Variants in SLC16A7 observed in about 807,000 individuals in gnomAD.
The protein encoded by SLC16A7 is solute carrier family 16 member 7.
A neutral mutation model predicts 34.9 loss-of-function variants in SLC16A7; 33 were observed. That is an observed-to-expected ratio of 0.94 (90% CI 0.72 to 1.26). The LOEUF (loss-of-function observed/expected upper bound fraction) is 1.26, where lower values mean the gene tolerates loss of function less well. Ranked by LOEUF, SLC16A7 falls within the 50% of genes most tolerant of loss-of-function variation. SLC16A7 has a pLI of 0.00. For missense variants in SLC16A7, 573 were observed against 578.1 expected, an observed-to-expected ratio of 0.99 and a Z score of 0.09; for synonymous variants, 201 against 206.6, an observed-to-expected ratio of 0.97 and a Z score of 0.23.
Position 59,703,435 on chromosome 12 carries a change from A to G in SLC16A7, c.-30-1337A>G, listed in dbSNP as rs868088471. ...TTTTAAAAAATAAACATAAAACATC[A>G]CATTGTACCCCATAAATATATAATA... On this transcript the variant is annotated intron_variant, in intron 2 of 5. Coordinates refer to ENST00000547379, the MANE Select transcript of SLC16A7 (RefSeq NM_001270623.2). 3.9e-5 allele frequency among the ~76,000 whole-genome samples: 6 copies of G among 152,204 alleles called. No individual in the cohort carries two copies. In the South Asian group the frequency reaches 8.3e-4, roughly 21 times the overall value.
intron 2 of SLC16A7, among the ~76,000 whole-genome samples, chr12:59,659,612 C>A (rs1312180604): frequency 1.3e-5 from 2 of 152,024 alleles, no homozygotes; most frequent in Non-Finnish European, 2.9e-5. Flanking sequence ...CCCTTTGATT[C>A]ATCTATTTAA....
chr12:59,765,064 G>T (rs1881446310), intron 3 of SLC16A7, among the ~76,000 whole-genome samples: 1 of 152,122 alleles, frequency 6.6e-6, no homozygotes, highest in East Asian at 1.9e-4. Flanking sequence ...GTTTTGATTT[G>T]CATTTCTCTG....
rs114669837 is a variant in SLC16A7, at chr12:59,633,907, C to T, written c.-129-21245C>T. ...GCTCCCTCCTTCAACACAAGGATTA[C>T]AACTGGAGATGAGATTTGGGTGGGG... On this transcript the variant is annotated intron_variant, in intron 1 of 5. Transcript: ENST00000547379. Among the ~76,000 whole-genome samples the T allele has an allele frequency of 3.8e-3, 582 of 152,184 alleles. 4 individuals are homozygous for T. Among genetic ancestry groups the T allele is most frequent in the African/African-American group, 0.013 (527 of 41,558 alleles).
intron 1 of SLC16A7, among the ~76,000 whole-genome samples, chr12:59,631,876 T>C (rs1279211548): frequency 2.0e-5 from 3 of 151,970 alleles, no homozygotes; most frequent in Non-Finnish European, 4.4e-5. Flanking sequence ...GCATGGTTCA[T>C]GCCCATAAGT....
chr12:59,691,736 T>C (rs1198806002), intron 2 of SLC16A7, among the ~76,000 whole-genome samples: 1 of 152,078 alleles, frequency 6.6e-6, no homozygotes, highest in Non-Finnish European at 1.5e-5. Context: ...TGCATGTAAA[T>C]CTGCCTATTC....
rs527901082 is a variant in SLC16A7, at chr12:59,729,971, C to T, written c.217+24953C>T. 2.6e-5 allele frequency among the ~76,000 whole-genome samples: 4 copies of T among 152,272 alleles called. No homozygotes were observed. In the South Asian group the frequency reaches 8.3e-4, roughly 32 times the overall value. Reference sequence around the variant, plus strand: ...AACTTAATGAGCATCTCTTATTCTTCTACTGAGTAGTCTGCAAGCTTTCAC... The same window carrying T: ...AACTTAATGAGCATCTCTTATTCTTTTACTGAGTAGTCTGCAAGCTTTCAC... On this transcript the variant is annotated intron_variant, in intron 3 of 5. Transcript: ENST00000547379.
intron 3 of SLC16A7, among the ~76,000 whole-genome samples, chr12:59,737,748 A>G (rs1191233282): frequency 1.3e-5 from 2 of 152,152 alleles, no homozygotes; most frequent in Non-Finnish European, 2.9e-5. Flanking sequence ...GCTCTGAACC[A>G]GTGTTCCTGG....
intron 3 of SLC16A7, among the ~76,000 whole-genome samples, chr12:59,762,448 G>A (rs1353894998): frequency 6.6e-6 from 1 of 152,042 alleles, no homozygotes; most frequent in Non-Finnish European, 1.5e-5. Flanking sequence ...GAAAAGCTGT[G>A]CTGTTGCTTG....
intron 3 of SLC16A7, among the ~76,000 whole-genome samples, chr12:59,762,137 G>C (rs147245809): frequency 1.3e-3 from 200 of 152,118 alleles, no homozygotes; most frequent in African/African-American, 4.7e-3. Flanking sequence ...TCATTCTACT[G>C]TGTCATGTGA....
intron 1 of SLC16A7, among the ~76,000 whole-genome samples, chr12:59,599,733 C>G (rs1592375770): frequency 6.6e-6 from 1 of 152,330 alleles, no homozygotes; most frequent in East Asian, 1.9e-4. Flanking sequence ...CTCCTCCCTT[C>G]AACTCATCCC....
At chr12:59,769,607 ATAT>A (rs1469009322) in intron 3 of SLC16A7, among the ~76,000 whole-genome samples, 1 of 152,086 alleles carries the variant, frequency 6.6e-6, no homozygotes, top group East Asian at 1.9e-4. Context: ...GTTATTACCA[ATAT>A]TCTTTCAAAA....
chr12:59,628,001 A>G (rs1880002960), intron 1 of SLC16A7, among the ~76,000 whole-genome samples: 1 of 151,696 alleles, frequency 6.6e-6, no homozygotes, highest in African/African-American at 2.4e-5. Context: ...GACATTTCTT[A>G]CTATCACATG....
intron 2 of SLC16A7, among the ~76,000 whole-genome samples, chr12:59,668,148 A>G (rs1356995408): frequency 1.3e-5 from 2 of 152,162 alleles, no homozygotes; most frequent in African/African-American, 2.4e-5. Flanking sequence ...CAGCAGGGAA[A>G]TGTGGGGTCA....
At chr12:59,665,491 T>C (rs1179733356) in intron 2 of SLC16A7, among the ~76,000 whole-genome samples, 1 of 152,022 alleles carries the variant, frequency 6.6e-6, no homozygotes, top group East Asian at 1.9e-4. Flanking sequence ...TTAGGTAATT[T>C]CATCCAAAAC....
At chr12:59,755,901 A>G (rs1176315870) in intron 3 of SLC16A7, among the ~76,000 whole-genome samples, 1 of 152,214 alleles carries the variant, frequency 6.6e-6, no homozygotes, top group Non-Finnish European at 1.5e-5. Flanking sequence ...ACTGGTACCA[A>G]AACAGAGATA....
Position 59,751,274 on chromosome 12 carries a change from C to A in SLC16A7, c.218-19945C>A, listed in dbSNP as rs572133778. ...GGCTCAGGACAGTGGGTGCAGCGCACCGTGTGCGAGCCGAAGCAGGGCGAG... is the reference window on the plus strand; with the variant it reads ...GGCTCAGGACAGTGGGTGCAGCGCAACGTGTGCGAGCCGAAGCAGGGCGAG... On this transcript the variant is annotated intron_variant, in intron 3 of 5. Transcript: ENST00000547379. 2.6e-4 allele frequency among the ~76,000 whole-genome samples: 40 copies of A among 152,350 alleles called. 1 individual carries two copies. The highest frequency in any genetic ancestry group is 7.7e-4 in the African/African-American group (32 of 41,582).
intron 1 of SLC16A7, among the ~76,000 whole-genome samples, chr12:59,621,371 C>T (rs1879689452): frequency 6.6e-6 from 1 of 151,740 alleles, no homozygotes; most frequent in Admixed American, 6.6e-5. Context: ...TTCTGGATTC[C>T]CTGGACTATA....
chr12:59,773,623 G>GGATT (rs147063494), intron 4 of SLC16A7, among the ~76,000 whole-genome samples: 5,610 of 151,694 alleles, frequency 0.037, 321 homozygotes, highest in African/African-American at 0.13. Context: ...GGAGTGCAGT[G>GGATT]GCATGATCTC....
chr12:59,685,143 A>C (rs532256818), intron 2 of SLC16A7, among the ~76,000 whole-genome samples: 9 of 152,302 alleles, frequency 5.9e-5, no homozygotes, highest in African/African-American at 1.9e-4. Flanking sequence ...GCAGGATCCA[A>C]CAAACTGATT....
Sources: allele counts gnomAD v4.1 joint callset (sites outside exome capture counted in the v4.1 genomes callset), GRCh38; gene constraint gnomAD v4.1.1; transcripts MANE v1.5; gene names NCBI Gene and HGNC (gene_info 2026-07-23, HGNC 2026-07-21).